Variants in STAU2 observed in about 807,000 individuals in gnomAD.
STAU2 encodes the protein double-stranded RNA-binding protein Staufen homolog 2.
Under a neutral mutation model 65.9 loss-of-function variants are expected in STAU2, and 20 were observed. The ratio of observed to expected loss-of-function variants is 0.30; its 90% CI spans 0.21 to 0.44. The LOEUF is 0.44. Ranked by LOEUF, STAU2 falls within the 20% of genes least tolerant of loss-of-function variation. The probability of loss-of-function intolerance (pLI) is 1.00; values close to 1 mark genes in which losing one functional copy is unlikely to be tolerated. For synonymous variants in STAU2, 232 were observed against 233.9 expected (o/e 0.99, Z 0.07); for missense variants, 558 against 683.9 (o/e 0.82, Z 2.05).
At chr8:73,616,047 T>C (rs1269517012) in intron 7 of STAU2, among the ~76,000 whole-genome samples, 1 of 152,136 alleles carries the variant, frequency 6.6e-6, no homozygotes, top group African/African-American at 2.4e-5. Context: ...CTAATTTGAG[T>C]TTAGCCTACA....
At chr8:73,690,197 C>A (rs1437704042) in intron 4 of STAU2, among the ~76,000 whole-genome samples, 2 of 151,510 alleles carry the variant, frequency 1.3e-5, no homozygotes, top group African/African-American at 2.4e-5. Flanking sequence ...GACGTGGTGG[C>A]GGGTGCCTGT....
intron 6 of STAU2, among the ~76,000 whole-genome samples, chr8:73,618,232 C>T (rs1275423777): frequency 6.6e-6 from 1 of 151,942 alleles, no homozygotes; most frequent in Non-Finnish European, 1.5e-5. Flanking sequence ...ATGTAGAATA[C>T]CTAGTATGTT....
At chr8:73,739,211 C>G (rs1049163630) in intron 2 of STAU2, among the ~76,000 whole-genome samples, 1 of 126,206 alleles carries the variant, frequency 7.9e-6, no homozygotes, top group African/African-American at 3.1e-5. Context: ...CCAGCCTAGG[C>G]GACAGAGCGA....
chr8:73,651,343 G>C, intron 6 of STAU2: 1 of 683,682 alleles, frequency 1.5e-6, no homozygotes, highest in Admixed American at 1.9e-5. Flanking sequence ...GCATCTTCCA[G>C]CACCACCAGT....
At chr8:73,537,455 G>C (rs1243319897) in intron 13 of STAU2, among the ~76,000 whole-genome samples, 1 of 152,112 alleles carries the variant, frequency 6.6e-6, no homozygotes, top group African/African-American at 2.4e-5. Context: ...TAAAGCCTAA[G>C]AAAAATCTTG....
chr8:73,682,215 C>T (rs1036194548), intron 5 of STAU2, among the ~76,000 whole-genome samples: 2 of 152,052 alleles, frequency 1.3e-5, no homozygotes, highest in Non-Finnish European at 1.5e-5. Flanking sequence ...CCAAGACAGA[C>T]CACATAAGCC....
At chr8:73,497,509 T>A (rs974083962) in intron 13 of STAU2, among the ~76,000 whole-genome samples, 7 of 151,816 alleles carry the variant, frequency 4.6e-5, no homozygotes, top group Middle Eastern at 6.8e-3. Context: ...AAACAGGTGA[T>A]ATAAAAGCTG....
chr8:73,679,793 C>CA (rs1818273926), intron 5 of STAU2, among the ~76,000 whole-genome samples: 1 of 150,884 alleles, frequency 6.6e-6, no homozygotes, highest in Admixed American at 6.6e-5. Context: ...GAGGCTGAGG[C>CA]AGGAGAATTG....
At chr8:73,684,226 C>A (rs1818632955) in intron 5 of STAU2, among the ~76,000 whole-genome samples, 1 of 152,054 alleles carries the variant, frequency 6.6e-6, no homozygotes, top group African/African-American at 2.4e-5. Flanking sequence ...AGGCTATAGT[C>A]TCCAAAACAG....
intron 12 of STAU2, among the ~76,000 whole-genome samples, chr8:73,557,802 T>C (rs1264738429): frequency 6.6e-6 from 1 of 152,202 alleles, no homozygotes; most frequent in Non-Finnish European, 1.5e-5. Context: ...ACCCTTTATC[T>C]GAAGAGGTCC....
In STAU2 at chr8:73,553,555, C is replaced by A. The variant is rs188981613; in HGVS notation, c.1223-1236G>T. Among the ~76,000 whole-genome samples the A allele has an allele frequency of 8.9e-4, 136 of 152,252 alleles. 1 individual carries two copies. Among genetic ancestry groups the A allele is most frequent in the Middle Eastern group, 6.8e-3 (2 of 294 alleles). ...CAAAAATCTATTCGACTTGGTTTAA[C>A]TCAGGATTCCTGAGTTTACTTTTTG... On this transcript the variant is annotated intron_variant, in intron 12 of 14. Transcript: ENST00000524300.
At chr8:73,589,419 C>A (rs1810609408) in intron 11 of STAU2, among the ~76,000 whole-genome samples, 1 of 152,144 alleles carries the variant, frequency 6.6e-6, no homozygotes, top group South Asian at 2.1e-4. Flanking sequence ...TGATGCTAGA[C>A]CTTTCAGAAA....
At chr8:73,456,787 T>C (rs922043883) in intron 13 of STAU2, among the ~76,000 whole-genome samples, 11 of 152,232 alleles carry the variant, frequency 7.2e-5, no homozygotes, top group Admixed American at 1.3e-4. Flanking sequence ...AAAATGTATA[T>C]GCAAACACAT....
chr8:73,471,990 A>G (rs1820061420), intron 13 of STAU2, among the ~76,000 whole-genome samples: 1 of 152,160 alleles, frequency 6.6e-6, no homozygotes, highest in African/African-American at 2.4e-5. Context: ...AATTTGTCAG[A>G]TATTACATAC....
At chr8:73,705,015 A>T (rs1485977702) in intron 4 of STAU2, among the ~76,000 whole-genome samples, 1 of 152,170 alleles carries the variant, frequency 6.6e-6, no homozygotes, top group African/African-American at 2.4e-5. Context: ...TAACAGCATG[A>T]TATGCACCTT....
chr8:73,520,688 C>T (rs1475170384), intron 13 of STAU2, among the ~76,000 whole-genome samples: 1 of 152,152 alleles, frequency 6.6e-6, no homozygotes, highest in Non-Finnish European at 1.5e-5. Flanking sequence ...AGAAGATCAG[C>T]TCTCTCCTTC....
chr8:73,523,822 G>A (rs1823195738), intron 13 of STAU2, among the ~76,000 whole-genome samples: 1 of 152,160 alleles, frequency 6.6e-6, no homozygotes, highest in Non-Finnish European at 1.5e-5. Context: ...AGGAGTTTGT[G>A]TGCCATAGCT....
intron 13 of STAU2, among the ~76,000 whole-genome samples, chr8:73,481,980 C>T (rs1820657030): frequency 6.6e-6 from 1 of 152,150 alleles, no homozygotes; most frequent in African/African-American, 2.4e-5. Context: ...CTTTTGAGTG[C>T]TATCCCACAG....
intron 1 of STAU2, among the ~76,000 whole-genome samples, chr8:73,743,803 A>T (rs774228104): frequency 6.0e-5 from 7 of 117,536 alleles, no homozygotes; most frequent in Non-Finnish European, 1.0e-4. Flanking sequence ...ACTGAGTCTC[A>T]CTCTGTCACC....
Sources: allele counts gnomAD v4.1 joint callset (sites outside exome capture counted in the v4.1 genomes callset), GRCh38; gene constraint gnomAD v4.1.1; transcripts MANE v1.5; gene names NCBI Gene and HGNC (gene_info 2026-07-23, HGNC 2026-07-21).